The following HMGN1 variants were observed in gnomAD, a reference collection of about 807,000 sequenced individuals.
HMGN1 encodes the protein non-histone chromosomal protein HMG-14.
HMGN1 carries 9 observed loss-of-function variants against 18.4 expected under a neutral mutation model. The observed-to-expected ratio is 0.49, with a 90% CI of 0.29 to 0.85. The LOEUF is 0.85. HMGN1 is among the 40% of genes least tolerant of loss of function. The pLI is 0.07. For synonymous variants in HMGN1, 59 were observed against 45.0 expected (o/e 1.31, Z -1.24); for missense variants, 151 against 119.2 (o/e 1.27, Z -1.24).
chr21:39,348,478 C>A, intron 2 of HMGN1, 27 bp from the exon 3 acceptor site: 1 of 1,614,102 alleles, frequency 6.2e-7, no homozygotes, highest in Non-Finnish European at 8.5e-7. Flanking sequence ...GGAGAGTCAG[C>A]GAGAAGAGAA....
intron 4 of HMGN1, chr21:39,346,024 G>T: frequency 9.6e-7 from 1 of 1,041,108 alleles, no homozygotes; most frequent in Non-Finnish European, 1.3e-6. Flanking sequence ...TTTAAGCCAT[G>T]TTAAAGAAAC....
intron 5 of HMGN1, among the ~76,000 whole-genome samples, chr21:39,343,614 G>A (rs544605947): frequency 1.5e-4 from 23 of 152,268 alleles, no homozygotes; most frequent in African/African-American, 5.1e-4. Context: ...TGTGTTGGAG[G>A]GCTTTGTTCA....
At position 39,342,480 on chromosome 21, in the gene HMGN1, T is replaced by C. The variant is rs770540198; in HGVS notation, c.*632A>G. 27 of 192,998 alleles carry C rather than the reference T, an allele frequency of 1.4e-4. No homozygotes were observed. Among genetic ancestry groups the C allele is most frequent in the Non-Finnish European group, 2.6e-4 (24 of 92,100 alleles). The allele number at this position is 192,998 out of a possible 1,614,324, so 12.0% of individuals were successfully genotyped here. A position where few individuals can be genotyped will look rare whatever the true frequency, so the allele number is the denominator to read the frequency against. On this transcript the variant is annotated 3_prime_UTR_variant, in exon 6 of 6. Transcript: ENST00000380749. ...TTAAAATTTGGAAGCAAATTTTCCT[T>C]AAGAGGCTATCAAGTACCAGTATCT...
At chr21:39,343,983 G>A (rs1293085030) in intron 5 of HMGN1, among the ~76,000 whole-genome samples, 2 of 152,136 alleles carry the variant, frequency 1.3e-5, no homozygotes, top group Non-Finnish European at 2.9e-5. Flanking sequence ...GGCCAGGAGC[G>A]GTGGCTCACA....
Position 39,342,389 on chromosome 21 carries a change from G to GT in HMGN1, c.*722dup, listed in dbSNP as rs1209087525. On this transcript the variant is annotated 3_prime_UTR_variant, in exon 6 of 6. Coordinates refer to ENST00000380749, the MANE Select transcript of HMGN1 (RefSeq NM_004965.7). ...AATTTGTACACAAATCTTAACATAC[G>GT]TAACGAAATTCTAAAAAGCCATGTA... 1.7e-5 allele frequency: 3 copies of GT among 178,584 alleles called. No homozygotes were observed. The highest frequency in any genetic ancestry group is 1.7e-4 in the East Asian group (1 of 5,958). 11.1% of individuals were successfully genotyped at this position (178,584 alleles called of 1,614,324 possible). A position where few individuals can be genotyped will look rare whatever the true frequency, so the allele number is the denominator to read the frequency against.
In HMGN1 at chr21:39,345,138, C is replaced by CACACACACACACACA. The variant is rs10529119; in HGVS notation, c.255+7_255+8insTGTGTGTGTGTGTGT. 1.4e-4 allele frequency: 213 copies of CACACACACACACACA among 1,568,364 alleles called. No individual in the cohort carries two copies. In the African/African-American group the frequency reaches 1.7e-3, roughly 13 times the overall value. On this transcript the variant is annotated splice_region_variant and intron_variant, in intron 5 of 5. Coordinates refer to ENST00000380749, the MANE Select transcript of HMGN1 (RefSeq NM_004965.7). The stretch of plus-strand genomic sequence containing the variant: ...ACACACACACACACACACACACACA[C>CACACACACACACACA]TTCTGACCTCCTCAGTCTTCGTTTC...
In HMGN1 at chr21:39,348,331, A is replaced by T; in HGVS notation, c.87T>A (p.Pro29=). The change falls in exon 4 of 6, where the codon CCT becomes CCA. Residue 29 remains proline (P), a synonymous_variant. Coordinates refer to ENST00000380749, the MANE Select transcript of HMGN1 (RefSeq NM_004965.7). ...RRSARLSAKP[P]AKVEAKPKKA... ...TTTTCGGCTTCGCTTCCACTTTTGC[A>T]GGAGGTTTCTGAAAGGCAAAAGCAG... 1.9e-6 allele frequency: 3 copies of T among 1,614,080 alleles called. No individual in the cohort carries two copies. The highest frequency in any genetic ancestry group is 2.5e-6 in the Non-Finnish European group (3 of 1,179,968).
intron 4 of HMGN1, 124 bp downstream of exon 4, chr21:39,348,168 A>G: frequency 7.6e-7 from 1 of 1,312,438 alleles, no homozygotes; most frequent in East Asian, 2.4e-5. Flanking sequence ...CACTAGAAAA[A>G]TTATTTACCG....
In HMGN1 at chr21:39,343,156, G is replaced by C. The variant is rs1339178792; in HGVS notation, c.259C>G (p.Pro87Ala). 4 of 1,598,384 alleles carry C rather than the reference G, an allele frequency of 2.5e-6. No homozygotes were observed. The highest frequency in any genetic ancestry group is 3.4e-6 in the Non-Finnish European group (4 of 1,171,144). ...TTCTCTCCTGCTTCATCAGAGGCTG[G>C]ACTCTGCAAAAGAAAGGAAATTGAG... is the stretch of plus-strand genomic sequence containing the variant. Reference protein sequence around the residue: ...ENGETKTEESPASDEAGEKEA... With the variant: ...ENGETKTEESAASDEAGEKEA... The change falls in exon 6 of 6, where the codon CCA becomes GCA. Residue 87 changes from proline (P) to alanine (A), a missense_variant. Coordinates refer to ENST00000380749, the MANE Select transcript of HMGN1 (RefSeq NM_004965.7).
chr21:39,347,559 G>C, intron 4 of HMGN1: 3 of 510,634 alleles, frequency 5.9e-6, no homozygotes, highest in South Asian at 4.7e-5. Context: ...CCTAAGTTTT[G>C]GATAAAAATT....
intron 4 of HMGN1, chr21:39,347,600 A>G (rs2146859158): frequency 2.3e-6 from 1 of 442,418 alleles, no homozygotes; most frequent in East Asian, 7.1e-5. Context: ...GTAGAGCTTT[A>G]CAGGTTTCAA....
intron 4 of HMGN1, chr21:39,346,805 C>T (rs1003770538): frequency 6.6e-6 from 1 of 152,238 alleles, no homozygotes; most frequent in African/African-American, 2.4e-5. Flanking sequence ...TGAACAAATC[C>T]CTTCTGCCCT....
chr21:39,345,035 C>G (rs1446994067), intron 5 of HMGN1, 111 bp downstream of exon 5: 1 of 1,284,976 alleles, frequency 7.8e-7, no homozygotes, highest in African/African-American at 1.5e-5. Context: ...AAACTTTGTT[C>G]AATATTATAA....
chr21:39,345,167 G>A lies in HMGN1; in HGVS notation c.234C>T (p.Asn78=), dbSNP rs763407431. 28 of 1,596,064 alleles carry A rather than the reference G, an allele frequency of 1.8e-5. No individual in the cohort carries two copies. Among genetic ancestry groups the A allele is most frequent in the East Asian group, 2.3e-5 (1 of 44,380 alleles). ...QETKEDLPAE[N]GETKTEESPA... The stretch of plus-strand genomic sequence containing the variant: ...TGACCTCCTCAGTCTTCGTTTCCCC[G>A]TTTTCCGCAGGTAAGTCTTCTTTAG... Residue 78 remains asparagine, a synonymous_variant, in exon 5 of 6, where the codon AAC becomes AAT. Transcript: ENST00000380749.
At chr21:39,346,329 A>T (rs879015375) in intron 4 of HMGN1, 1 of 192,574 alleles carries the variant, frequency 5.2e-6, no homozygotes, top group Admixed American at 5.6e-5. Flanking sequence ...TTTGAGTAAC[A>T]AATGATAAAT....
At chr21:39,347,920 T>A (rs76439527) in intron 4 of HMGN1, 13 of 1,046,168 alleles carry the variant, frequency 1.2e-5, no homozygotes, top group Non-Finnish European at 1.5e-5. Context: ...ACTTACACGT[T>A]CCCTTTCTCC....
In HMGN1 at chr21:39,343,040, T is replaced by C. The variant is rs2036917260; in HGVS notation, c.*72A>G. On this transcript the variant is annotated 3_prime_UTR_variant, in exon 6 of 6. Coordinates refer to ENST00000380749, the MANE Select transcript of HMGN1 (RefSeq NM_004965.7). ...TAAAAAACTTGCATTTACAAAATAG[T>C]TGATAAAAATATTCCTCTGGATTGT... The C allele has an allele frequency of 7.5e-7, 1 of 1,326,294 alleles. No individual in the cohort carries two copies. Among genetic ancestry groups the C allele is most frequent in the African/African-American group, 1.5e-5 (1 of 68,196 alleles). 82.2% of individuals were successfully genotyped at this position (1,326,294 alleles called of 1,614,324 possible).
Position 39,345,212 on chromosome 21 carries a change from G to A in HMGN1, c.189C>T (p.Ala63=), listed in dbSNP as rs1354234053. 5 of 1,613,200 alleles carry A rather than the reference G, an allele frequency of 3.1e-6. No homozygotes were observed. Among genetic ancestry groups the A allele is most frequent in the Non-Finnish European group, 4.2e-6 (5 of 1,179,912 alleles). The change falls in exon 5 of 6, where the codon GCC becomes GCT. Residue 63 remains alanine, a synonymous_variant. Coordinates refer to ENST00000380749, the MANE Select transcript of HMGN1 (RefSeq NM_004965.7). The part of the protein sequence containing the change: ...KGKRGAKGKQ[A]EVANQETKED... ...CTTTAGTTTCTTGGTTAGCCACTTC[G>A]GCCTGTTTTCCCTTTGCTCCCCTTT...
intron 4 of HMGN1, chr21:39,346,188 A>C: frequency 2.8e-6 from 1 of 351,992 alleles, no homozygotes; most frequent in South Asian, 2.2e-5. Context: ...CTTGAATTAA[A>C]GGGCCATAAA....
Sources: allele counts gnomAD v4.1 joint callset (sites outside exome capture counted in the v4.1 genomes callset), GRCh38; gene constraint gnomAD v4.1.1; transcripts MANE v1.5; gene names NCBI Gene and HGNC (gene_info 2026-07-23, HGNC 2026-07-21).